SLC39A11: variants seen among roughly 807,000 people sequenced by gnomAD.
SLC39A11 encodes solute carrier family 39 member 11, also known as zinc transporter ZIP11.
In SLC39A11, 33 loss-of-function variants were observed where a neutral mutation model predicts 36.1. The observed-to-expected ratio is 0.91, with a 90% CI of 0.69 to 1.22. The LOEUF (loss-of-function observed/expected upper bound fraction) is 1.22. Among genes scored for constraint, SLC39A11 ranks in the 50% most tolerant of loss-of-function variants. SLC39A11 has a pLI of 0.00. For missense variants in SLC39A11, 432 were observed against 430.3 expected (o/e 1.00, Z -0.03); for synonymous variants, 166 against 170.3 (o/e 0.97, Z 0.20).
At chr17:72,828,385 G>A (rs1010342975) in intron 6 of SLC39A11, among the ~76,000 whole-genome samples, 2 of 152,218 alleles carry the variant, frequency 1.3e-5, no homozygotes, top group East Asian at 1.9e-4. Context: ...CCATGAGCCA[G>A]GAAAGGCAGG....
intron 4 of SLC39A11, among the ~76,000 whole-genome samples, chr17:73,018,020 C>T (rs1568131734): frequency 1.3e-5 from 2 of 152,116 alleles, no homozygotes; most frequent in Admixed American, 6.5e-5. Context: ...CTGTACACCC[C>T]AGTCATTCAG....
At chr17:72,949,996 C>T (rs1227716609) in intron 4 of SLC39A11, among the ~76,000 whole-genome samples, 1 of 137,856 alleles carries the variant, frequency 7.3e-6, no homozygotes, top group Non-Finnish European at 1.6e-5. Context: ...CACACACACA[C>T]CCCTTCTTGT....
chr17:72,715,139 C>T (rs777498499), intron 7 of SLC39A11, among the ~76,000 whole-genome samples: 8 of 152,150 alleles, frequency 5.3e-5, no homozygotes, highest in African/African-American at 1.2e-4. Context: ...CACCCAGCCA[C>T]GAAAGGGGCC....
chr17:73,069,467 A>C (rs2060095307), intron 3 of SLC39A11, among the ~76,000 whole-genome samples: 1 of 152,176 alleles, frequency 6.6e-6, no homozygotes. Context: ...CCACATTCTG[A>C]GCAGCTGTTC....
At chr17:72,660,807 T>C (rs2070377251) in intron 7 of SLC39A11, among the ~76,000 whole-genome samples, 1 of 152,180 alleles carries the variant, frequency 6.6e-6, no homozygotes, top group South Asian at 2.1e-4. Context: ...CAGTGTAGGA[T>C]GCTTACCAGC....
At chr17:73,054,606 G>A (rs533204871) in intron 3 of SLC39A11, among the ~76,000 whole-genome samples, 11 of 151,944 alleles carry the variant, frequency 7.2e-5, no homozygotes, top group East Asian at 5.9e-4. Flanking sequence ...TCAGGAGTTC[G>A]AAACTGGCCT....
At chr17:72,773,678 C>CACACACACACACACACA (rs58841287) in intron 6 of SLC39A11, among the ~76,000 whole-genome samples, 1 of 148,860 alleles carries the variant, frequency 6.7e-6, no homozygotes, top group African/African-American at 2.5e-5. Flanking sequence ...CACACACACA[C>CACACACACACACACACA]CCAGTATATA....
intron 7 of SLC39A11, among the ~76,000 whole-genome samples, chr17:72,650,692 T>A (rs572364818): frequency 1.3e-4 from 20 of 152,080 alleles, no homozygotes; most frequent in African/African-American, 4.6e-4. Context: ...GAATTGTGGG[T>A]AGATTAGATA....
intron 7 of SLC39A11, among the ~76,000 whole-genome samples, chr17:72,650,424 C>G (rs1186673881): frequency 3.9e-5 from 6 of 152,172 alleles, no homozygotes; most frequent in Admixed American, 6.5e-5. Flanking sequence ...CATGAAGAAC[C>G]CTTATTGTGG....
chr17:72,951,990 C>T (rs1417100938), intron 4 of SLC39A11, among the ~76,000 whole-genome samples: 1 of 152,100 alleles, frequency 6.6e-6, no homozygotes, highest in Non-Finnish European at 1.5e-5. Flanking sequence ...AAATCCCGCC[C>T]TAACTTCACT....
intron 5 of SLC39A11, among the ~76,000 whole-genome samples, chr17:72,894,606 G>A (rs2081939188): frequency 1.3e-5 from 2 of 148,684 alleles, no homozygotes; most frequent in African/African-American, 5.0e-5. Context: ...AGAGGTAGAG[G>A]TTGCAGTGAG....
intron 6 of SLC39A11, among the ~76,000 whole-genome samples, chr17:72,743,492 T>C (rs890117576): frequency 1.3e-5 from 2 of 152,178 alleles, no homozygotes; most frequent in Non-Finnish European, 2.9e-5. Flanking sequence ...GCAGTGGCCC[T>C]GGCGGGAGAG....
At chr17:72,840,494 C>T (rs925673881) in intron 6 of SLC39A11, among the ~76,000 whole-genome samples, 6 of 152,226 alleles carry the variant, frequency 3.9e-5, no homozygotes, top group Admixed American at 3.9e-4. Flanking sequence ...AGTGGTGGCT[C>T]ACACCTGTAA....
At chr17:72,991,450 C>T (rs549280211) in intron 4 of SLC39A11, among the ~76,000 whole-genome samples, 1 of 152,002 alleles carries the variant, frequency 6.6e-6, no homozygotes, top group Non-Finnish European at 1.5e-5. Context: ...CTCCACCTCC[C>T]GGGTTGAAGC....
intron 6 of SLC39A11, among the ~76,000 whole-genome samples, chr17:72,840,612 A>T (rs1452737197): frequency 2.6e-5 from 4 of 152,228 alleles, no homozygotes; most frequent in African/African-American, 4.8e-5. Context: ...TACAAAAATT[A>T]GATGGGCGTG....
intron 5 of SLC39A11, among the ~76,000 whole-genome samples, chr17:72,852,853 C>G (rs988810768): frequency 1.2e-4 from 18 of 152,172 alleles, no homozygotes; most frequent in African/African-American, 4.3e-4. Context: ...CATGAACTAA[C>G]CTGGGTCATG....
intron 5 of SLC39A11, among the ~76,000 whole-genome samples, chr17:72,891,808 A>C (rs913262012): frequency 5.3e-5 from 8 of 151,304 alleles, no homozygotes; most frequent in Admixed American, 3.9e-4. Flanking sequence ...TATTTAAATA[A>C]AATTATTTAA....
At chr17:73,039,616 T>G (rs1458251089) in intron 3 of SLC39A11, among the ~76,000 whole-genome samples, 2 of 152,236 alleles carry the variant, frequency 1.3e-5, no homozygotes, top group Non-Finnish European at 2.9e-5. Context: ...AATTAAGTAT[T>G]ATACAGACTC....
At chr17:72,899,154 G>A (rs915063713) in intron 5 of SLC39A11, among the ~76,000 whole-genome samples, 5 of 152,110 alleles carry the variant, frequency 3.3e-5, no homozygotes, top group African/African-American at 4.8e-5. Context: ...GGATGCCTGG[G>A]CTAGATCCTG....
Sources: allele counts gnomAD v4.1 joint callset (sites outside exome capture counted in the v4.1 genomes callset), GRCh38; gene constraint gnomAD v4.1.1; transcripts MANE v1.5; gene names NCBI Gene and HGNC (gene_info 2026-07-23, HGNC 2026-07-21).